ANO4: variants seen among roughly 807,000 people sequenced by gnomAD.
The protein encoded by ANO4 is anoctamin 4.
A neutral mutation model predicts 141.9 loss-of-function variants in ANO4; 69 were observed. The observed-to-expected ratio is 0.49, with a 90% confidence interval of 0.40 to 0.59. The LOEUF is 0.59. ANO4 is among the 20% of genes least tolerant of loss of function. The pLI is 0.00. For synonymous variants in ANO4, 350 were observed against 394.3 expected (o/e 0.89, Z 1.33); for missense variants, 894 against 1,162.2 (o/e 0.77, Z 3.36).
At chr12:100,819,487 C>G (rs1412278125) in intron 1 of ANO4, among the ~76,000 whole-genome samples, 3 of 151,878 alleles carry the variant, frequency 2.0e-5, no homozygotes, top group African/African-American at 7.2e-5. Flanking sequence ...TAAGATTCAT[C>G]AGTGGTATAA....
chr12:100,844,542 A>T (rs1205874832), intron 1 of ANO4, among the ~76,000 whole-genome samples: 2 of 151,988 alleles, frequency 1.3e-5, no homozygotes, highest in African/African-American at 4.8e-5. Flanking sequence ...TAGAGTCAAG[A>T]TTTATTTTGG....
intron 1 of ANO4, among the ~76,000 whole-genome samples, chr12:100,854,106 A>G (rs1490611991): frequency 6.6e-6 from 1 of 152,124 alleles, no homozygotes; most frequent in South Asian, 2.1e-4. Context: ...TCTGAAAAAT[A>G]TCTTTATTTT....
chr12:100,932,269 A>G (rs1201392566), intron 3 of ANO4, among the ~76,000 whole-genome samples: 1 of 152,124 alleles, frequency 6.6e-6, no homozygotes, highest in Non-Finnish European at 1.5e-5. Flanking sequence ...TGGAAAATAG[A>G]GAAGTAAAGA....
At chr12:100,906,017 A>G (rs1459876691) in intron 2 of ANO4, among the ~76,000 whole-genome samples, 1 of 152,174 alleles carries the variant, frequency 6.6e-6, no homozygotes, top group Non-Finnish European at 1.5e-5. Context: ...AGAAAGAAAG[A>G]TATGGAGAGG....
At position 101,043,638 on chromosome 12, in the gene ANO4, A is replaced by G. The variant is rs965358031; in HGVS notation, c.1251+3A>G. ...CAGACAGCTGTGTATATGCCAAGGT[A>G]ATTTCAAACTGTAGCATTTTAGATG... is the stretch of plus-strand genomic sequence containing the variant. On this transcript the variant is annotated splice_donor_region_variant and intron_variant, in intron 13 of 27. Transcript: ENST00000392977. The G allele has an allele frequency of 1.9e-6, 3 of 1,596,628 alleles. No homozygotes were observed. Among genetic ancestry groups the G allele is most frequent in the Admixed American group, 1.7e-5 (1 of 59,946 alleles).
Position 100,971,394 on chromosome 12 carries a change from G to A in ANO4, c.545G>A (p.Arg182Lys), listed in dbSNP as rs1366180874. The change falls in exon 6 of 28, where the codon AGA (arginine) becomes AAA (lysine). Residue 182 changes from arginine (R) to lysine (K), a missense_variant. Arg to Lys is a conservative substitution (Grantham distance 26). Coordinates refer to ENST00000392977, the MANE Select transcript of ANO4 (RefSeq NM_001286615.2). Reference sequence around the variant, plus strand: ...AGATATGCAGAACAAATGAATGTAAGAATGCCTTTCAGGTAGGTGGAAATG... The same window carrying A: ...AGATATGCAGAACAAATGAATGTAAAAATGCCTTTCAGGTAGGTGGAAATG... ...LGRYAEQMNV[R>K]MPFRRKIYYL... is the part of the protein sequence containing the mutation. 4.4e-6 allele frequency: 7 copies of A among 1,603,216 alleles called. No individual in the cohort carries two copies. Among genetic ancestry groups the A allele is most frequent in the Non-Finnish European group, 6.0e-6 (7 of 1,171,562 alleles).
chr12:100,960,613 AAGAC>A (rs912962378), intron 5 of ANO4, among the ~76,000 whole-genome samples: 34 of 152,200 alleles, frequency 2.2e-4, no homozygotes, highest in East Asian at 1.7e-3. Flanking sequence ...AAAAAAAAAA[AAGAC>A]AGATAGTAAA....
chr12:100,951,485 A>G (rs767192826), intron 5 of ANO4, among the ~76,000 whole-genome samples: 1 of 152,218 alleles, frequency 6.6e-6, no homozygotes, highest in Non-Finnish European at 1.5e-5. Flanking sequence ...CTTACACATC[A>G]TAGAATACTA....
intron 1 of ANO4, among the ~76,000 whole-genome samples, chr12:100,844,901 G>A (rs2037478606): frequency 6.6e-6 from 1 of 152,028 alleles, no homozygotes; most frequent in Admixed American, 6.6e-5. Flanking sequence ...AGAGGACCCA[G>A]GACAAAGCCC....
chr12:101,092,870 C>A (rs953005235), intron 17 of ANO4, among the ~76,000 whole-genome samples: 1 of 152,072 alleles, frequency 6.6e-6, no homozygotes, highest in Non-Finnish European at 1.5e-5. Flanking sequence ...ACCAGTTAAT[C>A]AAGAATTGTA....
intron 4 of ANO4, among the ~76,000 whole-genome samples, chr12:100,942,165 G>A (rs1267031259): frequency 6.6e-6 from 1 of 151,984 alleles, no homozygotes; most frequent in African/African-American, 2.4e-5. Context: ...ATTTTTAATA[G>A]AGACAAGGTT....
intron 8 of ANO4, among the ~76,000 whole-genome samples, chr12:100,994,947 C>T (rs1388604522): frequency 6.6e-6 from 1 of 152,130 alleles, no homozygotes; most frequent in African/African-American, 2.4e-5. Flanking sequence ...TAGTGTCTAA[C>T]GTGTAGAGGC....
intron 3 of ANO4, among the ~76,000 whole-genome samples, chr12:100,742,317 T>C (rs2031905644): frequency 6.6e-6 from 1 of 152,172 alleles, no homozygotes; most frequent in Admixed American, 6.5e-5. Context: ...TTAATATGTA[T>C]TTTTGTGTGA....
At chr12:101,044,242 A>G (rs2047533874) in intron 13 of ANO4, among the ~76,000 whole-genome samples, 1 of 152,310 alleles carries the variant, frequency 6.6e-6, no homozygotes, top group Admixed American at 6.5e-5. Context: ...AAATACAGGA[A>G]ATATGTGTCC....
At chr12:100,858,508 T>G (rs529429190) in intron 1 of ANO4, among the ~76,000 whole-genome samples, 1 of 152,320 alleles carries the variant, frequency 6.6e-6, no homozygotes, top group South Asian at 2.1e-4. Flanking sequence ...AATTAATTTC[T>G]ACTTAGTATC....
intron 1 of ANO4, among the ~76,000 whole-genome samples, chr12:100,864,920 G>A (rs1050377119): frequency 1.3e-5 from 2 of 152,042 alleles, no homozygotes; most frequent in African/African-American, 4.8e-5. Flanking sequence ...TCCCACTTAT[G>A]AGTGAGAACA....
chr12:100,784,682 A>G (rs181384279), intron 3 of ANO4, among the ~76,000 whole-genome samples: 36 of 152,364 alleles, frequency 2.4e-4, no homozygotes, highest in African/African-American at 7.9e-4. Context: ...CAAAGGAAAA[A>G]GGAAGAATTC....
chr12:101,102,057 C>G (rs1276731532), intron 22 of ANO4, among the ~76,000 whole-genome samples: 1 of 151,936 alleles, frequency 6.6e-6, no homozygotes, highest in East Asian at 1.9e-4. Flanking sequence ...GCACTCCAGC[C>G]TGGGAGAGAG....
At chr12:100,984,094 G>A (rs2044603330) in intron 7 of ANO4, among the ~76,000 whole-genome samples, 1 of 151,962 alleles carries the variant, frequency 6.6e-6, no homozygotes, top group African/African-American at 2.4e-5. Context: ...AGTGTCTCGG[G>A]GATTTTATTT....
Sources: gnomAD v4.1 joint callset for allele counts (sites outside exome capture counted in the v4.1 genomes callset) on GRCh38, gnomAD v4.1.1 for gene constraint, MANE v1.5 for transcripts, NCBI Gene and HGNC (gene_info 2026-07-23, HGNC 2026-07-21) for gene names.